The following CPPED1 variants were observed in gnomAD, a reference collection of about 807,000 sequenced individuals.
CPPED1 encodes the protein calcineurin like phosphoesterase domain containing 1, also known as serine/threonine-protein phosphatase CPPED1.
Under a neutral mutation model 28.0 loss-of-function variants are expected in CPPED1, and 28 were observed. That is an observed-to-expected ratio of 1.00 (90% CI 0.74 to 1.37). CPPED1 has a LOEUF of 1.37. Ranked by LOEUF, CPPED1 falls within the 40% of genes most tolerant of loss-of-function variation. The probability of loss-of-function intolerance (pLI) is 0.00; values close to 1 mark genes in which losing one functional copy is unlikely to be tolerated. For missense variants in CPPED1, 504 were observed against 416.5 expected, an observed-to-expected ratio of 1.21 and a Z score of -1.83; for synonymous variants, 198 against 180.2, an observed-to-expected ratio of 1.10 and a Z score of -0.79.
chr16:12,781,230 G>T lies in CPPED1; in HGVS notation c.244C>A (p.Pro82Thr), dbSNP rs1567305078. The T allele has an allele frequency of 1.9e-6, 3 of 1,614,150 alleles. No homozygotes were observed. Among genetic ancestry groups the T allele is most frequent in the East Asian group, 2.2e-5 (1 of 44,866 alleles). ...VQAINKLNPKPKFFVLCGDLI... is the reference protein window; with the variant it reads ...VQAINKLNPKTKFFVLCGDLI... Reference sequence around the variant, plus strand: ...TCGCCGCACAGAACGAAGAATTTGGGTTTGGGGTTCAGCTTGTTGATGGCC... The same window carrying T: ...TCGCCGCACAGAACGAAGAATTTGGTTTTGGGGTTCAGCTTGTTGATGGCC... Residue 82 changes from proline (P) to threonine (T), a missense_variant, in exon 2 of 4, where the codon CCC becomes ACC. Pro to Thr is a conservative substitution (Grantham distance 38). Coordinates refer to ENST00000381774, the MANE Select transcript of CPPED1 (RefSeq NM_018340.3).
At chr16:12,764,989 G>C (rs893380251) in intron 2 of CPPED1, among the ~76,000 whole-genome samples, 2 of 152,218 alleles carry the variant, frequency 1.3e-5, no homozygotes, top group Non-Finnish European at 2.9e-5. Context: ...GAACAGAAGA[G>C]TGTCACGCTG....
chr16:12,778,565 T>C (rs2903116), intron 2 of CPPED1, among the ~76,000 whole-genome samples: 36,137 of 152,218 alleles, frequency 0.24, 4,695 homozygotes, highest in East Asian at 0.3. Flanking sequence ...TGTCAGCCAC[T>C]GTGCCTGGCC....
At chr16:12,744,947 A>T (rs2080277774) in intron 2 of CPPED1, among the ~76,000 whole-genome samples, 1 of 152,206 alleles carries the variant, frequency 6.6e-6, no homozygotes. Context: ...AGATCACACT[A>T]CTGAACTCCA....
At chr16:12,776,516 T>A (rs1189235477) in intron 2 of CPPED1, among the ~76,000 whole-genome samples, 2 of 152,174 alleles carry the variant, frequency 1.3e-5, no homozygotes, top group African/African-American at 2.4e-5. Context: ...CTGGGGGGGT[T>A]CTTTCTCATG....
At chr16:12,784,830 C>A (rs565264470) in intron 1 of CPPED1, among the ~76,000 whole-genome samples, 1 of 152,216 alleles carries the variant, frequency 6.6e-6, no homozygotes, top group African/African-American at 2.4e-5. Context: ...TTTCCTATGA[C>A]GAATAGTCAG....
At chr16:12,665,648 G>A (rs1317466298) in intron 3 of CPPED1, among the ~76,000 whole-genome samples, 1 of 152,144 alleles carries the variant, frequency 6.6e-6, no homozygotes, top group African/African-American at 2.4e-5. Context: ...AAAAAAAAAT[G>A]ACCAGGTGTG....
chr16:12,712,067 T>C (rs2080082985), intron 2 of CPPED1, among the ~76,000 whole-genome samples: 1 of 152,264 alleles, frequency 6.6e-6, no homozygotes, highest in South Asian at 2.1e-4. Context: ...GTCTGCATGT[T>C]GACATCCTAG....
chr16:12,705,926 A>G (rs977406638), intron 2 of CPPED1, among the ~76,000 whole-genome samples: 1 of 152,144 alleles, frequency 6.6e-6, no homozygotes, highest in African/African-American at 2.4e-5. Flanking sequence ...CTGTTGATGT[A>G]TATTTGTTTC....
At chr16:12,736,823 A>G (rs944921919) in intron 2 of CPPED1, among the ~76,000 whole-genome samples, 2 of 152,164 alleles carry the variant, frequency 1.3e-5, no homozygotes, top group Non-Finnish European at 2.9e-5. Context: ...GCAGTATATT[A>G]GATGGTGCTA....
chr16:12,782,717 A>C (rs2141239808), intron 1 of CPPED1, among the ~76,000 whole-genome samples: 1 of 152,090 alleles, frequency 6.6e-6, no homozygotes, highest in Non-Finnish European at 1.5e-5. Flanking sequence ...AAAATTAGCC[A>C]GGCGTGGTGG....
intron 2 of CPPED1, among the ~76,000 whole-genome samples, chr16:12,768,678 A>T (rs2080452984): frequency 6.6e-6 from 1 of 152,178 alleles, no homozygotes; most frequent in Non-Finnish European, 1.5e-5. Flanking sequence ...GGAGGAAACC[A>T]GTTTTTTCAT....
chr16:12,748,973 G>C lies in CPPED1; in HGVS notation c.289+32212C>G, dbSNP rs115998961. ...TTTATTGCTAAAAAAAAAAATGCTA[G>C]CAATCATCTGAGCCTTCAGTGAATC... On this transcript the variant is annotated intron_variant, in intron 2 of 3. Coordinates refer to ENST00000381774, the MANE Select transcript of CPPED1 (RefSeq NM_018340.3). 6.8e-3 allele frequency among the ~76,000 whole-genome samples: 1,038 copies of C among 151,618 alleles called. 17 individuals carry two copies. The highest frequency in any genetic ancestry group is 0.023 in the African/African-American group (963 of 41,250).
intron 3 of CPPED1, among the ~76,000 whole-genome samples, chr16:12,671,605 G>T (rs956448554): frequency 1.3e-5 from 2 of 152,114 alleles, no homozygotes; most frequent in Non-Finnish European, 2.9e-5. Flanking sequence ...AAAGTACTCA[G>T]CCTTCCCTAC....
chr16:12,729,739 G>C (rs1196645111), intron 2 of CPPED1, among the ~76,000 whole-genome samples: 1 of 152,134 alleles, frequency 6.6e-6, no homozygotes, highest in East Asian at 1.9e-4. Flanking sequence ...AACACATTCA[G>C]CTTTGTTCCT....
At chr16:12,676,403 T>A (rs1251994387) in intron 3 of CPPED1, among the ~76,000 whole-genome samples, 1 of 152,224 alleles carries the variant, frequency 6.6e-6, no homozygotes, top group Admixed American at 6.5e-5. Context: ...AGCGTTTTAT[T>A]CGCTGGACAT....
chr16:12,757,147 A>G (rs2080375517), intron 2 of CPPED1, among the ~76,000 whole-genome samples: 1 of 152,086 alleles, frequency 6.6e-6, no homozygotes, highest in Admixed American at 6.5e-5. Flanking sequence ...ATTAAGTTAT[A>G]GCACCTCGAG....
chr16:12,747,195 T>A (rs1380457257), intron 2 of CPPED1, among the ~76,000 whole-genome samples: 1 of 151,990 alleles, frequency 6.6e-6, no homozygotes, highest in Non-Finnish European at 1.5e-5. Context: ...TTTGGGAGAC[T>A]GAGGTGGGCG....
intron 2 of CPPED1, among the ~76,000 whole-genome samples, chr16:12,743,710 C>A (rs145575195): frequency 8.5e-5 from 13 of 152,138 alleles, no homozygotes; most frequent in African/African-American, 3.1e-4. Context: ...AGAAAACATA[C>A]GAAAGACACT....
chr16:12,740,088 GAA>G (rs1454735883), intron 2 of CPPED1, among the ~76,000 whole-genome samples: 163 of 145,862 alleles, frequency 1.1e-3, no homozygotes, highest in African/African-American at 3.8e-3. Context: ...GGAAAGAAAG[GAA>G]AGGAAGGAAA....
Sources: gnomAD v4.1 joint callset for allele counts (sites outside exome capture counted in the v4.1 genomes callset) on GRCh38, gnomAD v4.1.1 for gene constraint, MANE v1.5 for transcripts, NCBI Gene and HGNC (gene_info 2026-07-23, HGNC 2026-07-21) for gene names.